PTPRT: variants seen among roughly 807,000 people sequenced by gnomAD.
PTPRT encodes protein tyrosine phosphatase receptor type T.
PTPRT carries 56 observed loss-of-function variants against 176.8 expected under a neutral mutation model. The ratio of observed to expected loss-of-function variants is 0.32; its 90% CI spans 0.26 to 0.40. The LOEUF is 0.40. Ranked by LOEUF, PTPRT falls within the 10% of genes least tolerant of loss-of-function variation. The probability of loss-of-function intolerance (pLI) is 1.00; values close to 1 mark genes in which losing one functional copy is unlikely to be tolerated. For synonymous variants in PTPRT, 783 were observed against 739.0 expected (o/e 1.06, Z -0.96); for missense variants, 1,540 against 1,908.2 (o/e 0.81, Z 3.60).
intron 16 of PTPRT, among the ~76,000 whole-genome samples, chr20:42,195,626 G>A (rs1392711432): frequency 1.3e-5 from 2 of 152,182 alleles, no homozygotes; most frequent in East Asian, 3.9e-4. Flanking sequence ...CGTATTCAGT[G>A]ATTCAGACTA....
At position 42,342,204 on chromosome 20, in the gene PTPRT, G is replaced by A. The variant is rs933442896; in HGVS notation, c.1865+8424C>T. On this transcript the variant is annotated intron_variant, in intron 11 of 30. Coordinates refer to ENST00000373187, the MANE Select transcript of PTPRT (RefSeq NM_007050.6). ...TAACCCTTCAATATGTATCCCAATG[G>A]TTGGCATATGTAGACTGTGGGACAA... 3.9e-5 allele frequency among the ~76,000 whole-genome samples: 6 copies of A among 152,316 alleles called. No individual in the cohort carries two copies. The South Asian group carries it at 6.2e-4, about 16-fold the overall frequency.
intron 17 of PTPRT, among the ~76,000 whole-genome samples, chr20:42,159,479 A>G (rs1445168561): frequency 1.3e-5 from 2 of 151,396 alleles, no homozygotes; most frequent in African/African-American, 4.9e-5. Flanking sequence ...TCTTCCTGAC[A>G]TTTGTTCAAC....
chr20:43,044,868 G>A (rs527262652), intron 1 of PTPRT, among the ~76,000 whole-genome samples: 10 of 152,210 alleles, frequency 6.6e-5, no homozygotes, highest in Non-Finnish European at 1.3e-4. Context: ...CAGCTGCAGT[G>A]TAAAGGCTTT....
intron 1 of PTPRT, among the ~76,000 whole-genome samples, chr20:42,987,652 C>A (rs1006227905): frequency 1.3e-5 from 2 of 152,116 alleles, no homozygotes. Flanking sequence ...ACCCCTCCCC[C>A]ACAGTTTCCT....
At chr20:42,512,296 C>G (rs1344661630) in intron 7 of PTPRT, among the ~76,000 whole-genome samples, 1 of 152,146 alleles carries the variant, frequency 6.6e-6, no homozygotes, top group Non-Finnish European at 1.5e-5. Flanking sequence ...CCTAAAACTT[C>G]CCACACAACT....
At chr20:42,998,630 CT>C (rs1388314818) in intron 1 of PTPRT, among the ~76,000 whole-genome samples, 4 of 152,114 alleles carry the variant, frequency 2.6e-5, no homozygotes, top group African/African-American at 9.7e-5. Flanking sequence ...ATCAAAAGAA[CT>C]TTTATCACCA....
chr20:42,780,586 G>C (rs2077200568), intron 3 of PTPRT, among the ~76,000 whole-genome samples: 1 of 152,150 alleles, frequency 6.6e-6, no homozygotes, highest in Non-Finnish European at 1.5e-5. Flanking sequence ...GGAAACCCCA[G>C]TCTGCATCTT....
chr20:42,643,962 A>G (rs2074825978), intron 7 of PTPRT, among the ~76,000 whole-genome samples: 1 of 152,126 alleles, frequency 6.6e-6, no homozygotes, highest in African/African-American at 2.4e-5. Flanking sequence ...ACCATCAGGA[A>G]AGAAAGCCTT....
chr20:42,288,836 T>C (rs189492224), intron 12 of PTPRT, among the ~76,000 whole-genome samples: 163 of 152,174 alleles, frequency 1.1e-3, no homozygotes, highest in African/African-American at 3.8e-3. Context: ...TACAAGTGCA[T>C]GTCTCCTTTT....
rs1983002009 is a variant in PTPRT at position 42,078,547 on chromosome 20, C to T, written c.*2332G>A. The T allele has an allele frequency of 5.1e-6, 1 of 194,202 alleles. No homozygotes were observed. The highest frequency in any genetic ancestry group is 2.3e-5 in the African/African-American group (1 of 43,066). The allele number at this position is 194,202 out of a possible 1,614,324, so 12.0% of individuals were successfully genotyped here. A position where few individuals can be genotyped will look rare whatever the true frequency, so the allele number is the denominator to read the frequency against. ...GTCTGATGAAAGGAAAAGAGGCAGC[C>T]CCATTGGCCCAGAAGGAGTCTTGGC... On this transcript the variant is annotated 3_prime_UTR_variant, in exon 31 of 31. Transcript: ENST00000373187.
intron 1 of PTPRT, among the ~76,000 whole-genome samples, chr20:43,158,654 C>T (rs1423325724): frequency 6.6e-6 from 1 of 152,208 alleles, no homozygotes. Context: ...AGCTGCAAGG[C>T]ACCCCAAGGG....
intron 1 of PTPRT, among the ~76,000 whole-genome samples, chr20:43,162,853 A>G (rs1373235462): frequency 6.6e-6 from 1 of 152,112 alleles, no homozygotes; most frequent in Non-Finnish European, 1.5e-5. Flanking sequence ...CCTGCCAGAA[A>G]CCATCCCTGG....
At chr20:42,471,651 T>G (rs891861687) in intron 8 of PTPRT, among the ~76,000 whole-genome samples, 4 of 152,042 alleles carry the variant, frequency 2.6e-5, no homozygotes, top group African/African-American at 7.2e-5. Flanking sequence ...GTGTTTTTTT[T>G]GTTTTGTTTT....
chr20:42,864,455 G>T (rs2078712374), intron 2 of PTPRT, among the ~76,000 whole-genome samples: 1 of 152,208 alleles, frequency 6.6e-6, no homozygotes, highest in Non-Finnish European at 1.5e-5. Flanking sequence ...GACAGGACAA[G>T]AAGAAGCTGC....
At chr20:42,211,731 C>T (rs2055635454) in intron 15 of PTPRT, among the ~76,000 whole-genome samples, 1 of 145,892 alleles carries the variant, frequency 6.9e-6, no homozygotes, top group Non-Finnish European at 1.5e-5. Flanking sequence ...TTGTGGAAGT[C>T]AGTGTGGCGA....
chr20:43,062,789 T>G (rs145354015), intron 1 of PTPRT, among the ~76,000 whole-genome samples: 158 of 152,324 alleles, frequency 1.0e-3, no homozygotes, highest in African/African-American at 3.7e-3. Flanking sequence ...ATGGGAGTTT[T>G]CTACTATATT....
chr20:42,265,986 T>G (rs1178339583), intron 13 of PTPRT, among the ~76,000 whole-genome samples: 1 of 152,070 alleles, frequency 6.6e-6, no homozygotes, highest in African/African-American at 2.4e-5. Context: ...AGCGAAATAA[T>G]AAGAGAGAGT....
At chr20:42,573,800 G>A (rs1221423945) in intron 7 of PTPRT, among the ~76,000 whole-genome samples, 2 of 139,644 alleles carry the variant, frequency 1.4e-5, no homozygotes, top group African/African-American at 5.4e-5. Context: ...CCAGGCTGGA[G>A]TGCAGTGGCG....
At chr20:42,347,038 C>G (rs1319627868) in intron 11 of PTPRT, among the ~76,000 whole-genome samples, 2 of 152,160 alleles carry the variant, frequency 1.3e-5, no homozygotes, top group African/African-American at 4.8e-5. Context: ...CCAGGGGAGC[C>G]ATGAACTCAG....
Sources: gnomAD v4.1 joint callset for allele counts (sites outside exome capture counted in the v4.1 genomes callset) on GRCh38, gnomAD v4.1.1 for gene constraint, MANE v1.5 for transcripts, NCBI Gene and HGNC (gene_info 2026-07-23, HGNC 2026-07-21) for gene names.